DISC1: variants seen among roughly 807,000 people sequenced by gnomAD.
DISC1 encodes the protein disrupted in schizophrenia 1 protein.
Under a neutral mutation model 84.5 loss-of-function variants are expected in DISC1, and 57 were observed. The observed-to-expected ratio is 0.67, with a 90% CI of 0.55 to 0.84. DISC1 has a LOEUF of 0.84. Ranked by LOEUF, DISC1 falls within the 40% of genes least tolerant of loss-of-function variation. The pLI is 0.00. For missense variants in DISC1, 1,000 were observed against 1,057.8 expected (o/e 0.95, Z 0.76); for synonymous variants, 411 against 415.2 (o/e 0.99, Z 0.12).
chr1:231,781,188 T>A, intron 6 of DISC1, among the ~76,000 whole-genome samples: 1 of 83,324 alleles, frequency 1.2e-5, no homozygotes, highest in African/African-American at 4.1e-5. Context: ...AAATGCAGCC[T>A]CAGGAAAAAA....
At chr1:231,977,660 T>G (rs937526461) in intron 10 of DISC1, among the ~76,000 whole-genome samples, 2 of 152,198 alleles carry the variant, frequency 1.3e-5, no homozygotes, top group African/African-American at 4.8e-5. Context: ...GTTCCCGGGA[T>G]TAGAACATGG....
chr1:231,626,887 A>T lies in DISC1; in HGVS notation c.20A>T (p.Gln7Leu), dbSNP rs1279614117. MPGGGP[Q>L]GAPAAAGGGG... is the part of the protein sequence containing the mutation. Reference sequence around the variant, plus strand: ...GGGCGCATGCCAGGCGGGGGTCCTCAGGGCGCCCCAGCCGCCGCCGGCGGC... The same window carrying T: ...GGGCGCATGCCAGGCGGGGGTCCTCTGGGCGCCCCAGCCGCCGCCGGCGGC... The change falls in exon 1 of 13, where the codon CAG (glutamine) becomes CTG (leucine). Residue 7 changes from glutamine (Q) to leucine (L), a missense_variant. Transcript: ENST00000439617. The T allele has an allele frequency of 2.0e-6, 3 of 1,494,536 alleles. No homozygotes were observed. The highest frequency in any genetic ancestry group is 2.7e-6 in the Non-Finnish European group (3 of 1,131,264). The allele number at this position is 1,494,536 out of a possible 1,614,324, so 92.6% of individuals were successfully genotyped here.
intron 6 of DISC1, among the ~76,000 whole-genome samples, chr1:231,774,363 A>G (rs899141390): frequency 6.6e-6 from 1 of 152,222 alleles, no homozygotes; most frequent in Non-Finnish European, 1.5e-5. Flanking sequence ...CTAGTTAATA[A>G]CATGACCTTT....
At position 231,662,601 on chromosome 1, in the gene DISC1, G is replaced by A. The variant is rs2061652201; in HGVS notation, c.68-31225G>A. On this transcript the variant is annotated intron_variant, in intron 1 of 12. Transcript: ENST00000439617. ...GGACCATTTGTATTCTCCAAAGCTG[G>A]CAGGCTGGAAAGGCCAAGTCTACTG... Among the ~76,000 whole-genome samples, 3 of 152,224 alleles carry A rather than the reference G, an allele frequency of 2.0e-5. No individual in the cohort carries two copies. The South Asian group carries it at 6.2e-4, about 32-fold the overall frequency.
At chr1:231,996,691 T>C (rs1392336764) in intron 10 of DISC1, among the ~76,000 whole-genome samples, 1 of 152,042 alleles carries the variant, frequency 6.6e-6, no homozygotes, top group Admixed American at 6.5e-5. Flanking sequence ...GAAAACCCCA[T>C]AGAAAAACAC....
intron 3 of DISC1, among the ~76,000 whole-genome samples, chr1:231,725,279 G>C (rs569038123): frequency 6.6e-6 from 1 of 152,188 alleles, no homozygotes. Flanking sequence ...CTTATTTTGT[G>C]TTCACAAGCC....
intron 10 of DISC1, among the ~76,000 whole-genome samples, chr1:231,968,199 A>G (rs534892436): frequency 2.0e-5 from 3 of 152,340 alleles, no homozygotes; most frequent in African/African-American, 7.2e-5. Flanking sequence ...TTTAGTTTCC[A>G]GAGTACTCAG....
In DISC1 at chr1:231,818,412, A is replaced by G; in HGVS notation, c.1876A>G (p.Ser626Gly). ...SEREGLEGLL[S>G]KLLVLSSRNV... Reference sequence around the variant, plus strand: ...GAGAGAAGGGCTGGAGGGACTCCTCAGCAAGCTGTTGGTGTTGAGTTCCAG... The same window carrying G: ...GAGAGAAGGGCTGGAGGGACTCCTCGGCAAGCTGTTGGTGTTGAGTTCCAG... Residue 626 changes from serine (S) to glycine (G), a missense_variant, in exon 9 of 13, where the codon AGC becomes GGC. Physicochemically the swap from Ser to Gly is moderately conservative, Grantham distance 56. Transcript: ENST00000439617. The G allele has an allele frequency of 6.2e-7, 1 of 1,614,220 alleles. No individual in the cohort carries two copies. Among genetic ancestry groups the G allele is most frequent in the Non-Finnish European group, 8.5e-7 (1 of 1,180,022 alleles).
intron 9 of DISC1, among the ~76,000 whole-genome samples, chr1:231,837,434 G>A (rs2082705397): frequency 6.6e-6 from 1 of 151,982 alleles, no homozygotes; most frequent in African/African-American, 2.4e-5. Flanking sequence ...ATGATATATG[G>A]GCATAGAAGT....
chr1:231,833,020 A>G lies in DISC1; in HGVS notation c.1981+14503A>G, dbSNP rs541615603. Among the ~76,000 whole-genome samples, 115 of 132,710 alleles carry G rather than the reference A, an allele frequency of 8.7e-4. 5 individuals carry two copies. The highest frequency in any genetic ancestry group is 3.1e-3 in the African/African-American group (109 of 34,984). The allele number at this position is 132,710 out of a possible 152,430, so 87.1% of individuals were successfully genotyped here. The stretch of plus-strand genomic sequence containing the variant: ...GTAAGGGGTGCATGATCGGTCACCA[A>G]GGAGGGAGTAGAGGTATCTTATACT... On this transcript the variant is annotated intron_variant, in intron 9 of 12. Transcript: ENST00000439617.
rs375331685 is a variant in DISC1, at chr1:231,723,487, C to T, written c.1117+21463C>T. 1.2e-5 allele frequency: 12 copies of T among 985,330 alleles called. No homozygotes were observed. The East Asian group carries it at 4.5e-4, about 37-fold the overall frequency. The allele number at this position is 985,330 out of a possible 1,614,324, so 61.0% of individuals were successfully genotyped here. A position where few individuals can be genotyped will look rare whatever the true frequency, so the allele number is the denominator to read the frequency against. On this transcript the variant is annotated intron_variant, in intron 3 of 12. Transcript: ENST00000439617. ...TTATTTCTGGTCTGGTTTAAGTGAA[C>T]GTTATTCTTTCTGTGCAGTCCTGTG...
At chr1:231,766,801 A>C (rs1012837897) in intron 4 of DISC1, among the ~76,000 whole-genome samples, 4 of 152,166 alleles carry the variant, frequency 2.6e-5, no homozygotes, top group Non-Finnish European at 5.9e-5. Context: ...TGTACTCTTT[A>C]TTTTCATACT....
At chr1:231,752,240 G>A (rs1429323778) in intron 4 of DISC1, among the ~76,000 whole-genome samples, 25 of 152,334 alleles carry the variant, frequency 1.6e-4, no homozygotes, top group Admixed American at 1.6e-3. Context: ...ATAAATGAAA[G>A]AAGTTAATTG....
At chr1:231,707,238 G>T (rs1271732493) in intron 3 of DISC1, among the ~76,000 whole-genome samples, 1 of 152,180 alleles carries the variant, frequency 6.6e-6, no homozygotes, top group Non-Finnish European at 1.5e-5. Context: ...ATTGAAATCT[G>T]CTCAGAGAGA....
chr1:232,028,926 C>G (rs534558107), intron 12 of DISC1, among the ~76,000 whole-genome samples: 4 of 151,972 alleles, frequency 2.6e-5, no homozygotes, highest in Non-Finnish European at 1.5e-5. Flanking sequence ...ACTTGACAGT[C>G]GAAAAAAACA....
At chr1:231,639,307 A>G (rs1189113400) in intron 1 of DISC1, among the ~76,000 whole-genome samples, 1 of 152,202 alleles carries the variant, frequency 6.6e-6, no homozygotes, top group Non-Finnish European at 1.5e-5. Context: ...ATCAAAGCAC[A>G]TTATCATGAT....
At chr1:231,751,570 C>T (rs1042890129) in intron 4 of DISC1, among the ~76,000 whole-genome samples, 1 of 152,108 alleles carries the variant, frequency 6.6e-6, no homozygotes, top group African/African-American at 2.4e-5. Flanking sequence ...CATTCATCTC[C>T]AGAACTTTTC....
intron 3 of DISC1, among the ~76,000 whole-genome samples, chr1:231,732,985 TAGG>T (rs2071746535): frequency 6.6e-6 from 1 of 151,334 alleles, no homozygotes; most frequent in Non-Finnish European, 1.5e-5. Flanking sequence ...GTGGTGATGA[TAGG>T]AGTGGTGGTG....
At chr1:231,796,246 A>G (rs1013337046) in intron 7 of DISC1, among the ~76,000 whole-genome samples, 7 of 152,230 alleles carry the variant, frequency 4.6e-5, no homozygotes, top group African/African-American at 1.7e-4. Flanking sequence ...AAACAGGATC[A>G]ATTACTCTGT....
Sources: allele counts gnomAD v4.1 joint callset (sites outside exome capture counted in the v4.1 genomes callset), GRCh38; gene constraint gnomAD v4.1.1; transcripts MANE v1.5; gene names NCBI Gene and HGNC (gene_info 2026-07-23, HGNC 2026-07-21).